Variants in SLIT2 observed in about 807,000 individuals in gnomAD.
SLIT2 encodes slit guidance ligand 2, also known as slit homolog 2 protein.
Under a neutral mutation model 185.7 loss-of-function variants are expected in SLIT2, and 41 were observed. That is an observed-to-expected ratio of 0.22 (90% CI 0.17 to 0.29). SLIT2 has a LOEUF of 0.29. Among genes scored for constraint, SLIT2 ranks in the 10% least tolerant of loss-of-function variants. SLIT2 has a pLI of 1.00. For missense variants in SLIT2, 1,571 were observed against 1,909.0 expected (o/e 0.82, Z 3.30); for synonymous variants, 693 against 680.2 (o/e 1.02, Z -0.29).
chr4:20,295,840 A>C (rs890946619), intron 4 of SLIT2, among the ~76,000 whole-genome samples: 1 of 152,224 alleles, frequency 6.6e-6, no homozygotes, highest in Non-Finnish European at 1.5e-5. Flanking sequence ...ACTAGGAAAA[A>C]AAAATAAGAA....
At chr4:20,412,490 AAATT>A (rs1203069097) in intron 4 of SLIT2, among the ~76,000 whole-genome samples, 1 of 152,156 alleles carries the variant, frequency 6.6e-6, no homozygotes, top group Non-Finnish European at 1.5e-5. Flanking sequence ...AAGAAAATCC[AAATT>A]AATTGTTTTG....
chr4:20,413,734 T>C (rs932381973), intron 4 of SLIT2, among the ~76,000 whole-genome samples: 2 of 152,082 alleles, frequency 1.3e-5, no homozygotes, highest in Non-Finnish European at 2.9e-5. Context: ...ACTCCAGCTT[T>C]CCTATGGGTA....
At chr4:20,271,438 ATAATATATAATTAATTTATATATAATAT>A in intron 4 of SLIT2, among the ~76,000 whole-genome samples, 1 of 146,516 alleles carries the variant, frequency 6.8e-6, no homozygotes, top group Non-Finnish European at 1.5e-5. Context: ...TATATGTAAT[ATAATATATAATTAATTTATATATAATAT>A]TTATATATAA....
chr4:20,316,738 A>G (rs766254629), intron 4 of SLIT2, among the ~76,000 whole-genome samples: 104 of 151,382 alleles, frequency 6.9e-4, no homozygotes, highest in Non-Finnish European at 1.3e-3. Flanking sequence ...TTTTACCTAT[A>G]CATTAGTTGT....
chr4:20,334,511 C>T (rs1248808712), intron 4 of SLIT2, among the ~76,000 whole-genome samples: 1 of 152,064 alleles, frequency 6.6e-6, no homozygotes, highest in Non-Finnish European at 1.5e-5. Context: ...GATATCTGCC[C>T]TTAACTGGGT....
At chr4:20,526,558 A>G in intron 15 of SLIT2, among the ~76,000 whole-genome samples, 1 of 152,288 alleles carries the variant, frequency 6.6e-6, no homozygotes, top group Admixed American at 6.5e-5. Flanking sequence ...ATTTCATTTA[A>G]ATATACTTAA....
chr4:20,281,123 G>A (rs1210209896), intron 4 of SLIT2, among the ~76,000 whole-genome samples: 1 of 152,098 alleles, frequency 6.6e-6, no homozygotes, highest in African/African-American at 2.4e-5. Context: ...GTGAGCCACT[G>A]CACCCAGCTG....
intron 3 of SLIT2, 74 bp from the exon 4 acceptor site, chr4:20,268,736 G>T: frequency 2.2e-6 from 2 of 917,406 alleles, no homozygotes; most frequent in South Asian, 2.6e-5. Context: ...GATGAGGCAT[G>T]ACACTACCAA....
intron 9 of SLIT2, among the ~76,000 whole-genome samples, chr4:20,508,883 C>T (rs1214316636): frequency 6.6e-6 from 1 of 151,938 alleles, no homozygotes; most frequent in African/African-American, 2.4e-5. Context: ...AGAGAATGAA[C>T]CCTGATACTG....
At chr4:20,591,808 T>C (rs993798224) in intron 30 of SLIT2, among the ~76,000 whole-genome samples, 1 of 152,034 alleles carries the variant, frequency 6.6e-6, no homozygotes, top group Non-Finnish European at 1.5e-5. Flanking sequence ...ACTTTGTGTA[T>C]TGTAAGTATA....
At chr4:20,591,735 A>G (rs889668519) in intron 30 of SLIT2, among the ~76,000 whole-genome samples, 5 of 151,926 alleles carry the variant, frequency 3.3e-5, no homozygotes, top group African/African-American at 1.2e-4. Context: ...ATCATTTCTT[A>G]GAGAAATTAG....
chr4:20,275,829 A>G (rs1359884075), intron 4 of SLIT2, among the ~76,000 whole-genome samples: 1 of 152,128 alleles, frequency 6.6e-6, no homozygotes, highest in East Asian at 1.9e-4. Context: ...TTGTTAGTGC[A>G]TATATTTAGA....
rs76755273 is a variant in SLIT2 at position 20,606,914 on chromosome 4, G to A, written c.3693-3099G>A. On this transcript the variant is annotated intron_variant, in intron 33 of 36. Coordinates refer to ENST00000504154, the MANE Select transcript of SLIT2 (RefSeq NM_004787.4). ...AAGCTTGTTAGTGGTGAAAACACACGCCATTTGTCTAGGAATAGGTATTCC... is the reference window on the plus strand; with the variant it reads ...AAGCTTGTTAGTGGTGAAAACACACACCATTTGTCTAGGAATAGGTATTCC... 1.1e-3 allele frequency among the ~76,000 whole-genome samples: 175 copies of A among 152,208 alleles called. 1 individual carries two copies. The highest frequency in any genetic ancestry group is 3.8e-3 in the African/African-American group (158 of 41,520).
At chr4:20,255,688 G>GGAGC (rs1301396883) in intron 1 of SLIT2, among the ~76,000 whole-genome samples, 1 of 152,088 alleles carries the variant, frequency 6.6e-6, no homozygotes, top group Non-Finnish European at 1.5e-5. Flanking sequence ...GGGTGAGGGG[G>GGAGC]GAGCGTAGCA....
intron 4 of SLIT2, among the ~76,000 whole-genome samples, chr4:20,292,577 T>C (rs1208481507): frequency 1.3e-5 from 2 of 152,138 alleles, no homozygotes; most frequent in Non-Finnish European, 2.9e-5. Context: ...ACAGTGTTTA[T>C]GGAAATTTTT....
At chr4:20,549,639 G>A (rs1429280937) in intron 24 of SLIT2, among the ~76,000 whole-genome samples, 2 of 151,532 alleles carry the variant, frequency 1.3e-5, no homozygotes, top group African/African-American at 4.8e-5. Flanking sequence ...TGGCTATATA[G>A]CTTTTAAAAG....
At chr4:20,595,495 A>G (rs1378605123) in intron 30 of SLIT2, among the ~76,000 whole-genome samples, 7 of 152,116 alleles carry the variant, frequency 4.6e-5, no homozygotes, top group African/African-American at 7.2e-5. Flanking sequence ...TAAAATCACT[A>G]TTTCTCTGGT....
chr4:20,474,476 A>C (rs115869445), intron 5 of SLIT2, among the ~76,000 whole-genome samples: 1 of 152,080 alleles, frequency 6.6e-6, no homozygotes, highest in Non-Finnish European at 1.5e-5. Flanking sequence ...TCAATAATGC[A>C]TTTTGTCATG....
At chr4:20,440,968 A>G (rs746652670) in intron 4 of SLIT2, among the ~76,000 whole-genome samples, 15 of 152,198 alleles carry the variant, frequency 9.9e-5, no homozygotes, top group Non-Finnish European at 2.1e-4. Flanking sequence ...TGCAATTAAA[A>G]CTATAACCCC....
Sources: allele counts gnomAD v4.1 joint callset (sites outside exome capture counted in the v4.1 genomes callset), GRCh38; gene constraint gnomAD v4.1.1; transcripts MANE v1.5; gene names NCBI Gene and HGNC (gene_info 2026-07-23, HGNC 2026-07-21).